The following LONP1 variants were observed in gnomAD, a reference collection of about 807,000 sequenced individuals.
LONP1 encodes the protein lon peptidase 1, mitochondrial.
LONP1 carries 31 observed loss-of-function variants against 98.5 expected under a neutral mutation model. The ratio of observed to expected loss-of-function variants is 0.31; its 90% CI spans 0.24 to 0.42. The LOEUF (loss-of-function observed/expected upper bound fraction) is 0.42, where lower values mean the gene tolerates loss of function less well. Ranked by LOEUF, LONP1 falls within the 20% of genes least tolerant of loss-of-function variation. LONP1 has a pLI of 1.00. For synonymous variants in LONP1, 781 were observed against 594.7 expected (o/e 1.31, Z -4.56); for missense variants, 1,336 against 1,350.6 (o/e 0.99, Z 0.17).
Position 5,702,889 on chromosome 19 carries a change from G to A in LONP1, c.1368-1962C>T, listed in dbSNP as rs530648267. Among the ~76,000 whole-genome samples, 126 of 150,898 alleles carry A rather than the reference G, an allele frequency of 8.4e-4. 1 individual carries two copies. Among genetic ancestry groups the A allele is most frequent in the African/African-American group, 2.8e-3 (113 of 41,060 alleles). ...AGGGACACAAACACTGCGGAAGGCCGCAGGGTCCTCTGCCTAGGAAAACCA... is the reference window on the plus strand; with the variant it reads ...AGGGACACAAACACTGCGGAAGGCCACAGGGTCCTCTGCCTAGGAAAACCA... On this transcript the variant is annotated intron_variant, in intron 8 of 17. Transcript: ENST00000360614.
chr19:5,712,957 G>A (rs1046520337), intron 3 of LONP1, among the ~76,000 whole-genome samples, 177 bp downstream of exon 3: 6 of 152,176 alleles, frequency 3.9e-5, no homozygotes, highest in Non-Finnish European at 8.8e-5. Context: ...TCTGAGACAG[G>A]AGGGGTCCAG....
chr19:5,695,655 T>C (rs79153044), intron 13 of LONP1, among the ~76,000 whole-genome samples: 3,178 of 151,024 alleles, frequency 0.021, 54 homozygotes, highest in Non-Finnish European at 0.028. Context: ...TATGGGCCCC[T>C]GCATGCTCCT....
At position 5,699,075 on chromosome 19, in the gene LONP1, C is replaced by G; in HGVS notation, c.1637G>C (p.Arg546Pro). 1 of 1,608,534 alleles carries G rather than the reference C, an allele frequency of 6.2e-7. No individual in the cohort carries two copies. The highest frequency in any genetic ancestry group is 8.5e-7 in the Non-Finnish European group (1 of 1,176,872). The change falls in exon 10 of 18, where the codon CGC becomes CCC. Residue 546 changes from arginine (R) to proline (P), a missense_variant. Arg to Pro is a moderately radical substitution (Grantham distance 103). Transcript: ENST00000360614. ...IARALNREYF[R>P]FSVGGMTDVA... ...GTCAGTCATGCCCCCGACGCTGAAG[C>G]GGAAGTACTCTCGGTTCAGGGCGCG... is the stretch of plus-strand genomic sequence containing the variant.
At position 5,693,462 on chromosome 19, in the gene LONP1, C is replaced by A. The variant is rs1555708313; in HGVS notation, c.2539G>T (p.Gly847Cys). Reference sequence around the variant, plus strand: ...CTTGGGCCGTCCTTGGGGGTGGCGCCCTGTGGAGGCATGTGGGGATAGTGG... The same window carrying A: ...CTTGGGCCGTCCTTGGGGGTGGCGCACTGTGGAGGCATGTGGGGATAGTGG... The part of the protein sequence containing the change: ...TSHIHLHVPE[G>C]ATPKDGPSAG... The change falls in exon 17 of 18, where the codon GGC becomes TGC. Residue 847 changes from glycine (G) to cysteine (C), a missense_variant and splice_region_variant. This residue lies in a region of LONP1 where 555 missense variants were observed against 542.6 expected (regional missense o/e 1.02). Coordinates refer to ENST00000360614, the MANE Select transcript of LONP1 (RefSeq NM_004793.4). The A allele has an allele frequency of 6.2e-7, 1 of 1,611,008 alleles. No individual in the cohort carries two copies. Among genetic ancestry groups the A allele is most frequent in the Non-Finnish European group, 8.5e-7 (1 of 1,178,020 alleles).
rs1320640102 is a variant in LONP1, at chr19:5,691,992, C to CAGGGCCTGACATCCAGTTCTGGCCCAGAA, written c.*39_*40insTTCTGGGCCAGAACTGGATGTCAGGCCCT. Reference sequence around the variant, plus strand: ...CCACAGCGCTCAGTTCTGGCCCAGACAGGGCCTGACATCCGCCGCCTGCAG... The same window carrying CAGGGCCTGACATCCAGTTCTGGCCCAGAA: ...CCACAGCGCTCAGTTCTGGCCCAGACAGGGCCTGACATCCAGTTCTGGCCCAGAAAGGGCCTGACATCCGCCGCCTGCAG... On this transcript the variant is annotated 3_prime_UTR_variant, in exon 18 of 18. Transcript: ENST00000360614. 1.3e-6 allele frequency: 2 copies of CAGGGCCTGACATCCAGTTCTGGCCCAGAA among 1,589,468 alleles called. No homozygotes were observed. The highest frequency in any genetic ancestry group is 1.7e-5 in the Admixed American group (1 of 58,096).
intron 8 of LONP1, among the ~76,000 whole-genome samples, chr19:5,703,556 G>T (rs980492461): frequency 6.6e-6 from 1 of 151,956 alleles, no homozygotes; most frequent in Non-Finnish European, 1.5e-5. Flanking sequence ...ATGAAGAGGA[G>T]GACGGCTTCC....
Position 5,701,481 on chromosome 19 carries a change from C to T in LONP1, c.1368-554G>A, listed in dbSNP as rs530919646. ...GAGTGCCTGCGATTGCAGGCGCGCG[C>T]CGCCACGCCTGACTGGTTTTCCTAT... On this transcript the variant is annotated intron_variant, in intron 8 of 17. Transcript: ENST00000360614. Among the ~76,000 whole-genome samples the T allele has an allele frequency of 8.5e-5, 13 of 152,316 alleles. No individual in the cohort carries two copies. The East Asian group carries it at 2.3e-3, about 27-fold the overall frequency.
intron 4 of LONP1, among the ~76,000 whole-genome samples, chr19:5,710,076 G>A (rs947212407): frequency 1.3e-5 from 2 of 150,928 alleles, no homozygotes; most frequent in African/African-American, 2.4e-5. Flanking sequence ...GCTGGTGGCT[G>A]TCTGAATTTT....
chr19:5,696,515 G>A, intron 11 of LONP1, 144 bp from the exon 12 acceptor site: 1 of 1,318,110 alleles, frequency 7.6e-7, no homozygotes, highest in Non-Finnish European at 1.0e-6. Flanking sequence ...TGCTGGGCGT[G>A]GCTGTGGGTG....
chr19:5,705,981 C>A lies in LONP1; in HGVS notation c.1158G>T (p.Lys386Asn), dbSNP rs1373161686. 1.2e-6 allele frequency: 2 copies of A among 1,611,246 alleles called. No homozygotes were observed. The highest frequency in any genetic ancestry group is 2.2e-5 in the South Asian group (2 of 91,066). Residue 386 changes from lysine (K) to asparagine (N), a missense_variant, in exon 8 of 18, where the codon AAG becomes AAT. Transcript: ENST00000360614. ...GGTACTTACGGTGGGTCTGCTTGAT[C>A]TTCTCCTCCACCTGTGGGGTGAGGT... ...QQRLGREVEE[K>N]IKQTHRKYLL...
intron 17 of LONP1, among the ~76,000 whole-genome samples, chr19:5,693,086 G>A (rs1231706079): frequency 6.6e-6 from 1 of 152,234 alleles, no homozygotes; most frequent in East Asian, 1.9e-4. Context: ...GGGGAAGCCA[G>A]TGGAGGCTCA....
chr19:5,704,886 C>T (rs1005273790), intron 8 of LONP1, among the ~76,000 whole-genome samples: 1 of 152,216 alleles, frequency 6.6e-6, no homozygotes, highest in Admixed American at 6.5e-5. Context: ...TTAGGCCAGG[C>T]GTGGTGGCTC....
intron 3 of LONP1, 152 bp from the exon 4 acceptor site, chr19:5,712,154 C>T (rs141402253): frequency 9.7e-5 from 60 of 616,258 alleles, no homozygotes; most frequent in African/African-American, 8.3e-4. Context: ...AAGCTGGAGA[C>T]GTGAGCCGCT....
chr19:5,720,216 T>C (rs574177025), upstream of LONP1: 74 of 1,383,322 alleles, frequency 5.3e-5, no homozygotes, highest in Middle Eastern at 2.7e-4. Flanking sequence ...CGTGCCTCGG[T>C]ACCCGATGGG....
intron 8 of LONP1, among the ~76,000 whole-genome samples, chr19:5,703,093 A>G (rs1187261001): frequency 6.6e-6 from 1 of 150,918 alleles, no homozygotes; most frequent in Non-Finnish European, 1.5e-5. Context: ...AGGCAGGAGA[A>G]TGGCATGAAC....
chr19:5,692,297 A>AC, intron 17 of LONP1, 89 bp from the exon 18 acceptor site: 3 of 1,304,236 alleles, frequency 2.3e-6, no homozygotes, highest in Non-Finnish European at 2.1e-6. Context: ...CTTCCTGGGG[A>AC]CCGGCGATAC....
Position 5,699,114 on chromosome 19 carries a change from G to C in LONP1, c.1598C>G (p.Ala533Gly). ...GPPGVGKTSI[A>G]RSIARALNRE... Reference sequence around the variant, plus strand: ...GTTCAGGGCGCGGGCGATGGAGCGAGCAATGCTGGTCTTACCCACGCCAGG... The same window carrying C: ...GTTCAGGGCGCGGGCGATGGAGCGACCAATGCTGGTCTTACCCACGCCAGG... The change falls in exon 10 of 18, where the codon GCT (alanine) becomes GGT (glycine). Residue 533 changes from alanine (A) to glycine (G), a missense_variant. Transcript: ENST00000360614. The C allele has an allele frequency of 6.3e-7, 1 of 1,599,562 alleles. No individual in the cohort carries two copies. The highest frequency in any genetic ancestry group is 8.5e-7 in the Non-Finnish European group (1 of 1,170,848).
At chr19:5,711,076 G>GA (rs1464124949) in intron 4 of LONP1, among the ~76,000 whole-genome samples, 2 of 151,994 alleles carry the variant, frequency 1.3e-5, no homozygotes, top group African/African-American at 4.8e-5. Context: ...GGGCAGGATA[G>GA]AAGTGCTGAC....
chr19:5,707,798 C>G lies in LONP1; in HGVS notation c.961G>C (p.Gly321Arg). The change falls in exon 6 of 18, where the codon GGC becomes CGC. Residue 321 changes from glycine to arginine, a missense_variant. Physicochemically the swap from Gly to Arg is moderately radical, Grantham distance 125. Around this residue, in one of 5 missense-constraint regions of LONP1, gnomAD observed 97 missense variants for 139.0 expected, o/e 0.70. Coordinates refer to ENST00000360614, the MANE Select transcript of LONP1 (RefSeq NM_004793.4). ...ATGGGGTTGTCCACCACCCGCTGGCCAGCCTGCATCATCTGCAGCACTGAC... is the reference window on the plus strand; with the variant it reads ...ATGGGGTTGTCCACCACCCGCTGGCGAGCCTGCATCATCTGCAGCACTGAC... The part of the protein sequence containing the change: ...RESVLQMMQA[G>R]QRVVDNPIYL... 6.2e-7 allele frequency: 1 copy of G among 1,613,176 alleles called. No individual in the cohort carries two copies. Among genetic ancestry groups the G allele is most frequent in the Non-Finnish European group, 8.5e-7 (1 of 1,179,912 alleles).
Sources: gnomAD v4.1 joint callset for allele counts (sites outside exome capture counted in the v4.1 genomes callset) on GRCh38, gnomAD v4.1.1 for gene constraint, gnomAD v4.1.1 regional missense constraint, MANE v1.5 for transcripts, NCBI Gene and HGNC (gene_info 2026-07-23, HGNC 2026-07-21) for gene names.